The following RPS6KC1 variants were observed in gnomAD, a reference collection of about 807,000 sequenced individuals.
RPS6KC1 encodes inactive ribosomal protein S6 kinase delta-1.
In RPS6KC1, 54 loss-of-function variants were observed where a neutral mutation model predicts 103.8. That is an observed-to-expected ratio of 0.52 (90% CI 0.42 to 0.65). The LOEUF is 0.65. RPS6KC1 is among the 30% of genes least tolerant of loss of function. The probability of loss-of-function intolerance (pLI) is 0.00; values close to 1 mark genes in which losing one functional copy is unlikely to be tolerated. For synonymous variants in RPS6KC1, 439 were observed against 438.7 expected, an observed-to-expected ratio of 1.00 and a Z score of -0.01; for missense variants, 1,151 against 1,253.8, an observed-to-expected ratio of 0.92 and a Z score of 1.24.
At chr1:213,073,369 C>T (rs2079040227) in intron 2 of RPS6KC1, among the ~76,000 whole-genome samples, 1 of 152,278 alleles carries the variant, frequency 6.6e-6, no homozygotes, top group Non-Finnish European at 1.5e-5. Context: ...TTATATATAC[C>T]TTGGCACATG....
chr1:213,558,382 G>A, the RPS6KC1 span, among the ~76,000 whole-genome samples: 5 of 152,332 alleles, frequency 3.3e-5, no homozygotes, highest in East Asian at 9.7e-4. Flanking sequence ...AGGAGAGGAA[G>A]GGAGTAAGGA....
the RPS6KC1 span, chr1:213,840,700 CA>C: frequency 4.0e-4 from 61 of 152,018 alleles, 1 homozygote; most frequent in Admixed American, 4.0e-3. Context: ...ATTCAAGAAA[CA>C]GATGTTTGCA....
At chr1:213,763,606 TAAA>T in the RPS6KC1 span, among the ~76,000 whole-genome samples, 1 of 152,082 alleles carries the variant, frequency 6.6e-6, no homozygotes, top group Non-Finnish European at 1.5e-5. Flanking sequence ...TTCAGGGTAA[TAAA>T]GAAGAAAGGG....
At chr1:213,097,736 G>A (rs566640588) in intron 3 of RPS6KC1, among the ~76,000 whole-genome samples, 8 of 152,124 alleles carry the variant, frequency 5.3e-5, no homozygotes, top group African/African-American at 1.9e-4. Flanking sequence ...AATGATTTTC[G>A]CTAGATCTTC....
chr1:213,306,261 A>G, the RPS6KC1 span, among the ~76,000 whole-genome samples: 3 of 152,230 alleles, frequency 2.0e-5, no homozygotes, highest in Non-Finnish European at 4.4e-5. Context: ...GCCAGGGATC[A>G]GGAAAATGTG....
At chr1:213,778,237 A>G in the RPS6KC1 span, among the ~76,000 whole-genome samples, 1 of 152,242 alleles carries the variant, frequency 6.6e-6, no homozygotes, top group Non-Finnish European at 1.5e-5. Flanking sequence ...TGAAATCACA[A>G]TGAAAGTATT....
intron 14 of RPS6KC1, among the ~76,000 whole-genome samples, chr1:213,263,542 A>C (rs1300732236): frequency 6.6e-6 from 1 of 152,244 alleles, no homozygotes; most frequent in Non-Finnish European, 1.5e-5. Flanking sequence ...GCTTTTATGA[A>C]AAATATAATG....
At chr1:213,591,394 C>T in the RPS6KC1 span, among the ~76,000 whole-genome samples, 2 of 152,124 alleles carry the variant, frequency 1.3e-5, no homozygotes, top group Admixed American at 6.5e-5. Context: ...ACTGAAATTC[C>T]CAACAGCCAC....
At chr1:213,651,877 C>T in the RPS6KC1 span, among the ~76,000 whole-genome samples, 1 of 152,186 alleles carries the variant, frequency 6.6e-6, no homozygotes, top group East Asian at 1.9e-4. Context: ...CGAGCTCCTT[C>T]CCACGTGGCC....
At chr1:213,731,964 C>T in the RPS6KC1 span, among the ~76,000 whole-genome samples, 6 of 150,824 alleles carry the variant, frequency 4.0e-5, no homozygotes. Flanking sequence ...ATCTAGAATA[C>T]AATCCTGTGT....
chr1:213,249,315 G>C (rs2094504340), intron 12 of RPS6KC1, among the ~76,000 whole-genome samples: 1 of 152,154 alleles, frequency 6.6e-6, no homozygotes, highest in Non-Finnish European at 1.5e-5. Flanking sequence ...ATCAGTTTCT[G>C]TATCCCATAA....
chr1:213,611,370 T>A, the RPS6KC1 span, among the ~76,000 whole-genome samples: 2 of 152,130 alleles, frequency 1.3e-5, no homozygotes, highest in East Asian at 3.9e-4. Context: ...CTGCAGTTTT[T>A]ACAGGGTAGG....
chr1:213,694,007 G>T, the RPS6KC1 span, among the ~76,000 whole-genome samples: 1 of 152,164 alleles, frequency 6.6e-6, no homozygotes, highest in African/African-American at 2.4e-5. Context: ...TGAAACAATA[G>T]CTCAGTGGGG....
the RPS6KC1 span, among the ~76,000 whole-genome samples, chr1:213,371,287 C>G: frequency 6.6e-6 from 1 of 152,166 alleles, no homozygotes; most frequent in African/African-American, 2.4e-5. Flanking sequence ...AAATTTCCTT[C>G]CTTTTTAAGG....
At chr1:213,122,741 T>C (rs1244853916) in intron 5 of RPS6KC1, among the ~76,000 whole-genome samples, 1 of 152,188 alleles carries the variant, frequency 6.6e-6, no homozygotes, top group African/African-American at 2.4e-5. Flanking sequence ...ATCTCTTGCA[T>C]ACTCAGCTTG....
At chr1:213,615,172 C>T in the RPS6KC1 span, among the ~76,000 whole-genome samples, 1 of 152,312 alleles carries the variant, frequency 6.6e-6, no homozygotes, top group African/African-American at 2.4e-5. Context: ...CAGGTCACAG[C>T]CACACAATTT....
chr1:213,232,319 C>T, intron 10 of RPS6KC1, 64 bp downstream of exon 10: 10 of 1,591,630 alleles, frequency 6.3e-6, no homozygotes, highest in Non-Finnish European at 8.6e-6. Context: ...TCCAGTTTCT[C>T]TCTGTCATTT....
the RPS6KC1 span, among the ~76,000 whole-genome samples, chr1:213,824,623 C>T: frequency 6.6e-6 from 1 of 152,248 alleles, no homozygotes; most frequent in East Asian, 1.9e-4. Flanking sequence ...GGTCTTGTCC[C>T]ATGCTGTTCT....
At chr1:213,209,779 ATACTTAACGGT>A (rs933969280) in intron 8 of RPS6KC1, among the ~76,000 whole-genome samples, 10 of 149,596 alleles carry the variant, frequency 6.7e-5, no homozygotes, top group African/African-American at 2.4e-4. Flanking sequence ...TTGACTGAGG[ATACTTAACGGT>A]TATTTCTTGA....
Sources: allele counts gnomAD v4.1 joint callset (sites outside exome capture counted in the v4.1 genomes callset), GRCh38; gene constraint gnomAD v4.1.1; transcripts MANE v1.5; gene names NCBI Gene and HGNC (gene_info 2026-07-23, HGNC 2026-07-21).